Variants in USF2 observed in about 807,000 individuals in gnomAD.
USF2 encodes the protein upstream stimulatory factor 2.
USF2 carries 16 observed loss-of-function variants against 46.9 expected under a neutral mutation model. The observed-to-expected ratio is 0.34, with a 90% CI of 0.23 to 0.52. The LOEUF (loss-of-function observed/expected upper bound fraction) is 0.52, where lower values mean the gene tolerates loss of function less well. Among genes scored for constraint, USF2 ranks in the 20% least tolerant of loss-of-function variants. The pLI, the probability that USF2 is intolerant of heterozygous loss-of-function variation, is 0.96. For missense variants in USF2, 411 were observed against 474.0 expected (o/e 0.87, Z 1.23); for synonymous variants, 239 against 194.1 (o/e 1.23, Z -1.92).
At chr19:35,270,185 AT>A (rs762634417) in intron 4 of USF2, 182 bp downstream of exon 4, 296 of 938,198 alleles carry the variant, frequency 3.2e-4, no homozygotes, top group Middle Eastern at 6.9e-4. Flanking sequence ...TGCTCTTGGA[AT>A]TTTTTTTTCC....
chr19:35,269,489 G>T lies in USF2; in HGVS notation c.106G>T (p.Glu36Ter). The change falls in exon 2 of 10, where the codon GAA (glutamate) becomes TAA (stop). Residue 36 changes from glutamate to a stop codon, truncating the protein, a stop_gained. Transcript: ENST00000222305. LOFTEE classifies it high-confidence loss of function. ...PEAEEGVELQ[E>*]GGDGPGAEEQ... is the part of the protein sequence containing the mutation. ...GGCGGAGGAGGGCGTCGAGCTGCAG[G>T]AAGGTGAGTGCTTGCCGGGCCGGCC... is the stretch of plus-strand genomic sequence containing the variant. 6.4e-7 allele frequency: 1 copy of T among 1,554,312 alleles called. No homozygotes were observed. Among genetic ancestry groups the T allele is most frequent in the Non-Finnish European group, 8.6e-7 (1 of 1,156,556 alleles).
intron 7 of USF2, among the ~76,000 whole-genome samples, chr19:35,276,179 C>A (rs1369490660): frequency 6.9e-6 from 1 of 144,126 alleles, no homozygotes; most frequent in African/African-American, 2.6e-5. Context: ...TCAAGCAATT[C>A]TCGTGCTTCA....
At chr19:35,270,181 T>C (rs2066129466) in intron 4 of USF2, 178 bp downstream of exon 4, 1 of 958,284 alleles carries the variant, frequency 1.0e-6, no homozygotes, top group Non-Finnish European at 1.5e-6. Context: ...ACAGTGCTCT[T>C]GGAATTTTTT....
chr19:35,270,691 G>A (rs755783574), intron 5 of USF2, 27 bp from the exon 6 acceptor site: 1 of 1,613,578 alleles, frequency 6.2e-7, no homozygotes, highest in East Asian at 2.2e-5. Context: ...ACCCTGCCTT[G>A]CCACTAACCC....
At chr19:35,273,436 A>G (rs960156380) in intron 7 of USF2, among the ~76,000 whole-genome samples, 30 of 152,206 alleles carry the variant, frequency 2.0e-4, no homozygotes, top group African/African-American at 7.0e-4. Flanking sequence ...GTTAACAGTG[A>G]AATTTCCAGG....
At chr19:35,276,568 C>G (rs975167513) in intron 7 of USF2, among the ~76,000 whole-genome samples, 1 of 152,150 alleles carries the variant, frequency 6.6e-6, no homozygotes, top group Admixed American at 6.5e-5. Context: ...TCCTGACCTG[C>G]GAGCAGAGCA....
chr19:35,276,540 G>T (rs1219312300), intron 7 of USF2, among the ~76,000 whole-genome samples: 2 of 152,148 alleles, frequency 1.3e-5, no homozygotes, highest in Non-Finnish European at 2.9e-5. Flanking sequence ...TGGGACTCTG[G>T]AGGAGGAGGA....
At chr19:35,276,740 A>G (rs1332040417) in intron 7 of USF2, among the ~76,000 whole-genome samples, 4 of 151,854 alleles carry the variant, frequency 2.6e-5, no homozygotes, top group African/African-American at 9.7e-5. Flanking sequence ...GATTCATCCC[A>G]CCCCCATTCC....
At chr19:35,278,380 C>T (rs1381081405) in intron 7 of USF2, 1 of 291,276 alleles carries the variant, frequency 3.4e-6, no homozygotes, top group African/African-American at 2.2e-5. Context: ...TGAGAAATTT[C>T]CTTATTTTTA....
Position 35,270,563 on chromosome 19 carries a change from C to G in USF2, c.546C>G (p.Ser182=), listed in dbSNP as rs777054854. 3 of 1,613,980 alleles carry G rather than the reference C, an allele frequency of 1.9e-6. No individual in the cohort carries two copies. In the African/African-American group the frequency reaches 4.0e-5, roughly 22 times the overall value. The stretch of plus-strand genomic sequence containing the variant: ...GTGTGGGAGATACTACGGCTGTGTC[C>G]GTACAGACCACAGACCAGAGCTTGC... ...ASSVGDTTAV[S]VQTTDQSLQA... is the part of the protein sequence containing the mutation. The change falls in exon 5 of 10, where the codon TCC becomes TCG. Residue 182 remains serine, a synonymous_variant. Transcript: ENST00000222305.
intron 7 of USF2, chr19:35,275,309 A>C (rs1555756657): frequency 6.6e-6 from 1 of 152,122 alleles, no homozygotes; most frequent in Non-Finnish European, 1.5e-5. Flanking sequence ...AGCCTCCCAA[A>C]GTGCTGGGAT....
chr19:35,270,372 C>T (rs750521470), intron 4 of USF2, 75 bp from the exon 5 acceptor site: 3 of 1,557,430 alleles, frequency 1.9e-6, no homozygotes, highest in South Asian at 1.2e-5. Context: ...GCAGTAAACC[C>T]CAAGCACAGC....
chr19:35,278,955 G>C lies in USF2; in HGVS notation c.832G>C (p.Gly278Arg). ...TCCCCTCGCCCCCCAGAGTAAAGGA[G>C]GGATCCTGTCCAAGGCCTGCGATTA... ...DNSKTGASKGGILSKACDYIR... is the reference protein window; with the variant it reads ...DNSKTGASKGRILSKACDYIR... The change falls in exon 9 of 10, where the codon GGG becomes CGG. Residue 278 changes from glycine (G) to arginine (R), a missense_variant. This residue lies in a region of USF2 where 93 missense variants were observed against 151.6 expected (regional missense o/e 0.61). Coordinates refer to ENST00000222305, the MANE Select transcript of USF2 (RefSeq NM_003367.4). 6.4e-7 allele frequency: 1 copy of C among 1,555,754 alleles called. No individual in the cohort carries two copies. The highest frequency in any genetic ancestry group is 2.3e-5 in the East Asian group (1 of 44,420).
At chr19:35,273,588 C>T (rs181385863) in intron 7 of USF2, among the ~76,000 whole-genome samples, 50 of 152,248 alleles carry the variant, frequency 3.3e-4, no homozygotes, top group African/African-American at 1.2e-3. Flanking sequence ...AAGGGGGTCT[C>T]ACTCTGTCAC....
intron 7 of USF2, among the ~76,000 whole-genome samples, chr19:35,273,054 C>G (rs1599627310): frequency 1.3e-5 from 2 of 152,092 alleles, no homozygotes; most frequent in Non-Finnish European, 2.9e-5. Flanking sequence ...CCCTCCCACC[C>G]CACTCTCACC....
intron 7 of USF2, 153 bp from the exon 8 acceptor site, chr19:35,278,545 G>A (rs1175388506): frequency 2.4e-5 from 18 of 737,746 alleles, no homozygotes; most frequent in Non-Finnish European, 4.0e-5. Flanking sequence ...GGCCGGCTGG[G>A]CTCAGGGTGC....
intron 7 of USF2, among the ~76,000 whole-genome samples, chr19:35,274,289 C>CT (rs766530557): frequency 2.0e-5 from 3 of 152,224 alleles, no homozygotes; most frequent in Non-Finnish European, 4.4e-5. Flanking sequence ...AAGCCAGAAA[C>CT]TAAGACCAGA....
chr19:35,271,878 A>G (rs1190910923), intron 7 of USF2, among the ~76,000 whole-genome samples: 1 of 151,942 alleles, frequency 6.6e-6, no homozygotes, highest in East Asian at 1.9e-4. Context: ...CTTATGTCTC[A>G]TGGGTCTCAT....
chr19:35,270,208 A>T, intron 4 of USF2: 1 of 860,238 alleles, frequency 1.2e-6, no homozygotes, highest in Non-Finnish European at 1.7e-6. Context: ...GCAAAATGGG[A>T]ATGATGTGTC....
Sources: gnomAD v4.1 joint callset for allele counts (sites outside exome capture counted in the v4.1 genomes callset) on GRCh38, gnomAD v4.1.1 for gene constraint, gnomAD v4.1.1 regional missense constraint, MANE v1.5 for transcripts, NCBI Gene and HGNC (gene_info 2026-07-23, HGNC 2026-07-21) for gene names.